CLEC16A: variants seen among roughly 807,000 people sequenced by gnomAD.
CLEC16A encodes the protein C-type lectin domain containing 16A.
In CLEC16A, 51 loss-of-function variants were observed where a neutral mutation model predicts 109.5. That is an observed-to-expected ratio of 0.47 (90% CI 0.37 to 0.59). The LOEUF (loss-of-function observed/expected upper bound fraction) is 0.59, where lower values mean the gene tolerates loss of function less well. Ranked by LOEUF, CLEC16A falls within the 20% of genes least tolerant of loss-of-function variation. The pLI is 0.00. For missense variants in CLEC16A, 1,339 were observed against 1,394.0 expected, an observed-to-expected ratio of 0.96 and a Z score of 0.63; for synonymous variants, 673 against 564.2, an observed-to-expected ratio of 1.19 and a Z score of -2.73.
chr16:11,114,506 C>G (rs974196841), intron 19 of CLEC16A, among the ~76,000 whole-genome samples: 7 of 152,148 alleles, frequency 4.6e-5, no homozygotes, highest in East Asian at 1.9e-4. Flanking sequence ...CCGTCTGCCA[C>G]CAAGTCCTTC....
intron 13 of CLEC16A, among the ~76,000 whole-genome samples, chr16:11,029,986 G>A (rs1193908720): frequency 6.6e-6 from 1 of 152,058 alleles, no homozygotes; most frequent in African/African-American, 2.4e-5. Context: ...CATGCAACAT[G>A]TACTCCTCTT....
intron 18 of CLEC16A, among the ~76,000 whole-genome samples, chr16:11,054,027 C>T (rs1019752170): frequency 5.9e-5 from 9 of 152,244 alleles, no homozygotes; most frequent in African/African-American, 1.9e-4. Context: ...GAGGCATAGG[C>T]CCAGAGACAG....
chr16:11,036,129 A>G (rs930944487), intron 13 of CLEC16A: 3 of 152,518 alleles, frequency 2.0e-5, no homozygotes, highest in Non-Finnish European at 2.9e-5. Context: ...CATGGAGACC[A>G]CTTGGAACAG....
chr16:11,024,174 A>G (rs1361742662), intron 12 of CLEC16A: 1 of 152,256 alleles, frequency 6.6e-6, no homozygotes, highest in Non-Finnish European at 1.5e-5. Context: ...AGCAGCTCCC[A>G]TGCATTGGCA....
chr16:11,138,713 C>G (rs746202133), intron 22 of CLEC16A, among the ~76,000 whole-genome samples: 8 of 152,220 alleles, frequency 5.3e-5, no homozygotes, highest in Non-Finnish European at 1.0e-4. Context: ...TAAATGACCA[C>G]TGTTTTCACT....
intron 22 of CLEC16A, among the ~76,000 whole-genome samples, chr16:11,139,229 T>A (rs906943920): frequency 6.6e-6 from 1 of 152,124 alleles, no homozygotes; most frequent in African/African-American, 2.4e-5. Context: ...CACTCATAGC[T>A]TGGCTTGTCA....
chr16:11,115,816 A>G (rs533161228), intron 19 of CLEC16A, among the ~76,000 whole-genome samples: 7 of 152,048 alleles, frequency 4.6e-5, no homozygotes, highest in South Asian at 4.1e-4. Flanking sequence ...AAAATTCATC[A>G]TAAGATAAAC....
intron 13 of CLEC16A, among the ~76,000 whole-genome samples, chr16:11,037,229 T>C: frequency 6.6e-6 from 1 of 152,230 alleles, no homozygotes; most frequent in East Asian, 1.9e-4. Context: ...ACGGGCCCCC[T>C]GTGTGCTCCT....
intron 22 of CLEC16A, among the ~76,000 whole-genome samples, chr16:11,152,685 A>C (rs2054339624): frequency 6.6e-6 from 1 of 152,128 alleles, no homozygotes; most frequent in African/African-American, 2.4e-5. Flanking sequence ...CATTGTTTCT[A>C]CCTGGTCAAA....
At chr16:11,040,655 G>A (rs367976840) in intron 14 of CLEC16A, 1 of 151,804 alleles carries the variant, frequency 6.6e-6, no homozygotes, top group African/African-American at 2.4e-5. Flanking sequence ...TGGGATTACA[G>A]GTGCACACTA....
At chr16:11,132,784 A>G (rs1260556130) in intron 22 of CLEC16A, among the ~76,000 whole-genome samples, 1 of 152,186 alleles carries the variant, frequency 6.6e-6, no homozygotes, top group African/African-American at 2.4e-5. Flanking sequence ...TGTCCTTGAC[A>G]GTGCTCATGG....
Position 11,126,037 on chromosome 16 carries a change from C to T in CLEC16A, c.2532C>T (p.Ser844=), listed in dbSNP as rs773563730. The T allele has an allele frequency of 2.5e-5, 41 of 1,613,748 alleles. No homozygotes were observed. Among genetic ancestry groups the T allele is most frequent in the Non-Finnish European group, 3.1e-5 (37 of 1,179,872 alleles). Residue 844 remains serine (S), a synonymous_variant, in exon 22 of 24, where the codon TCC becomes TCT. Transcript: ENST00000409790. The stretch of plus-strand genomic sequence containing the variant: ...AAGTCCTGGGGTTTGGACTCGGCTC[C>T]TCCACCTCCACTCAGCACCTGCCTT... The part of the protein sequence containing the change: ...TTEVLGFGLG[S]STSTQHLPFR...
intron 22 of CLEC16A, among the ~76,000 whole-genome samples, chr16:11,165,073 C>T (rs151328830): frequency 2.2e-4 from 33 of 152,292 alleles, no homozygotes; most frequent in Admixed American, 4.6e-4. Flanking sequence ...TTCTGTGCCA[C>T]GAAGCACCAT....
intron 19 of CLEC16A, among the ~76,000 whole-genome samples, chr16:11,116,740 G>C (rs2052023084): frequency 6.6e-6 from 1 of 152,148 alleles, no homozygotes; most frequent in Non-Finnish European, 1.5e-5. Context: ...CGTGTGCTTT[G>C]GCCAAAATTG....
chr16:11,001,521 C>T (rs1418022432), intron 10 of CLEC16A, among the ~76,000 whole-genome samples: 1 of 152,234 alleles, frequency 6.6e-6, no homozygotes, highest in East Asian at 1.9e-4. Context: ...AACTCAGTAG[C>T]TGTGTGACAT....
intron 19 of CLEC16A, among the ~76,000 whole-genome samples, chr16:11,067,189 G>GTT (rs71406205): frequency 4.2e-4 from 42 of 98,938 alleles, no homozygotes; most frequent in African/African-American, 1.2e-3. Flanking sequence ...GTTTGTTTTT[G>GTT]TTTTTTTTTT....
intron 23 of CLEC16A, among the ~76,000 whole-genome samples, chr16:11,167,148 C>G (rs1421850603): frequency 6.6e-6 from 1 of 152,142 alleles, no homozygotes; most frequent in Non-Finnish European, 1.5e-5. Flanking sequence ...TGCACCAGCT[C>G]CTCGTTCTCG....
chr16:10,994,296 T>G (rs532494261), intron 10 of CLEC16A, among the ~76,000 whole-genome samples: 1 of 152,346 alleles, frequency 6.6e-6, no homozygotes, highest in South Asian at 2.1e-4. Context: ...GCATTCTTCA[T>G]GCATGTTGGG....
At chr16:10,974,079 A>G (rs1229253654) in intron 7 of CLEC16A, among the ~76,000 whole-genome samples, 1 of 151,150 alleles carries the variant, frequency 6.6e-6, no homozygotes, top group East Asian at 1.9e-4. Context: ...TTGTATTTTT[A>G]GTAGAGACAG....
Sources: gnomAD v4.1 joint callset for allele counts (sites outside exome capture counted in the v4.1 genomes callset) on GRCh38, gnomAD v4.1.1 for gene constraint, MANE v1.5 for transcripts, NCBI Gene and HGNC (gene_info 2026-07-23, HGNC 2026-07-21) for gene names.